PPP1R9A: variants seen among roughly 807,000 people sequenced by gnomAD.
PPP1R9A encodes neurabin-1.
PPP1R9A carries 59 observed loss-of-function variants against 141.9 expected under a neutral mutation model. The ratio of observed to expected loss-of-function variants is 0.42; its 90% CI spans 0.34 to 0.52. The LOEUF is 0.52. PPP1R9A is among the 20% of genes least tolerant of loss of function. The probability of loss-of-function intolerance (pLI) is 0.10; values close to 1 mark genes in which losing one functional copy is unlikely to be tolerated. For synonymous variants in PPP1R9A, 500 were observed against 569.7 expected, an observed-to-expected ratio of 0.88 and a Z score of 1.74; for missense variants, 1,444 against 1,611.9, an observed-to-expected ratio of 0.90 and a Z score of 1.78.
chr7:95,066,113 G>A (rs1213813261), intron 2 of PPP1R9A, among the ~76,000 whole-genome samples: 1 of 152,196 alleles, frequency 6.6e-6, no homozygotes, highest in Non-Finnish European at 1.5e-5. Flanking sequence ...AAGTTAAAAT[G>A]AGGCCTTTTG....
chr7:95,278,918 G>GAC (rs749781822), intron 16 of PPP1R9A, among the ~76,000 whole-genome samples: 34 of 151,258 alleles, frequency 2.2e-4, no homozygotes, highest in East Asian at 1.8e-3. Context: ...TGGAGACATA[G>GAC]ACACACACAC....
intron 4 of PPP1R9A, among the ~76,000 whole-genome samples, chr7:95,161,388 A>T (rs1454974475): frequency 6.6e-6 from 1 of 152,110 alleles, no homozygotes; most frequent in Admixed American, 6.6e-5. Context: ...TTAAAACATT[A>T]AGTGTTTGAC....
chr7:95,212,626 T>C (rs1215455294), intron 7 of PPP1R9A, among the ~76,000 whole-genome samples: 1 of 152,228 alleles, frequency 6.6e-6, no homozygotes, highest in African/African-American at 2.4e-5. Flanking sequence ...ACCTCAGTCC[T>C]GGAAGGCAGT....
chr7:95,211,338 A>G (rs2152913081), intron 7 of PPP1R9A, among the ~76,000 whole-genome samples: 1 of 152,278 alleles, frequency 6.6e-6, no homozygotes, highest in Middle Eastern at 3.4e-3. Flanking sequence ...CAACCTGGCT[A>G]CAAGTGGTAG....
intron 5 of PPP1R9A, among the ~76,000 whole-genome samples, chr7:95,179,788 A>AAG (rs1020554043): frequency 6.7e-6 from 1 of 148,886 alleles, no homozygotes; most frequent in African/African-American, 2.4e-5. Flanking sequence ...CAAAAAAAAA[A>AAG]AAAAAAAATA....
At chr7:95,212,625 CTG>C (rs1792370202) in intron 7 of PPP1R9A, among the ~76,000 whole-genome samples, 1 of 152,116 alleles carries the variant, frequency 6.6e-6, no homozygotes, top group South Asian at 2.1e-4. Context: ...CACCTCAGTC[CTG>C]GAAGGCAGTC....
At chr7:95,120,190 C>T (rs1446968292) in intron 3 of PPP1R9A, among the ~76,000 whole-genome samples, 1 of 152,026 alleles carries the variant, frequency 6.6e-6, no homozygotes, top group Non-Finnish European at 1.5e-5. Context: ...CTCCTGGCCT[C>T]AAGCCATCCA....
intron 2 of PPP1R9A, among the ~76,000 whole-genome samples, chr7:95,099,631 A>G (rs1818493135): frequency 6.6e-6 from 1 of 152,152 alleles, no homozygotes; most frequent in Non-Finnish European, 1.5e-5. Flanking sequence ...CTTTAATGGC[A>G]TAAACTATTT....
At chr7:95,178,606 TA>T (rs571635572) in intron 5 of PPP1R9A, among the ~76,000 whole-genome samples, 8 of 151,844 alleles carry the variant, frequency 5.3e-5, no homozygotes, top group Non-Finnish European at 1.0e-4. Flanking sequence ...TTTGAAAAGA[TA>T]AATAAAATTG....
chr7:95,051,795 A>C (rs73427045), intron 2 of PPP1R9A, among the ~76,000 whole-genome samples: 67 of 151,694 alleles, frequency 4.4e-4, no homozygotes, highest in African/African-American at 1.6e-3. Flanking sequence ...ATCACTATTT[A>C]TTGAACATCT....
chr7:95,155,045 G>A (rs1221011159), intron 4 of PPP1R9A: 2 of 151,906 alleles, frequency 1.3e-5, no homozygotes, highest in Non-Finnish European at 2.9e-5. Context: ...TCATCTTCTA[G>A]TGGAAACTAT....
At chr7:95,007,740 A>G (rs1438333651) in intron 2 of PPP1R9A, among the ~76,000 whole-genome samples, 1 of 152,176 alleles carries the variant, frequency 6.6e-6, no homozygotes, top group Non-Finnish European at 1.5e-5. Context: ...TTTAAATACT[A>G]TCCTTAGTAT....
chr7:95,228,315 A>G (rs1434525217), intron 8 of PPP1R9A, among the ~76,000 whole-genome samples: 1 of 152,158 alleles, frequency 6.6e-6, no homozygotes, highest in East Asian at 1.9e-4. Context: ...AATTCTTGGC[A>G]TATAGTTAGT....
At chr7:94,954,181 A>G (rs566195308) in intron 2 of PPP1R9A, among the ~76,000 whole-genome samples, 32 of 152,006 alleles carry the variant, frequency 2.1e-4, no homozygotes, top group African/African-American at 7.5e-4. Flanking sequence ...CTAACAGAAG[A>G]TTTTAAGACT....
intron 2 of PPP1R9A, among the ~76,000 whole-genome samples, chr7:94,980,237 G>A (rs1222395268): frequency 2.0e-5 from 3 of 151,012 alleles, no homozygotes; most frequent in East Asian, 1.9e-4. Context: ...GAAAGTTTAC[G>A]AATTTGTGTT....
At chr7:95,213,029 G>A (rs1025747435) in intron 7 of PPP1R9A, among the ~76,000 whole-genome samples, 3 of 152,144 alleles carry the variant, frequency 2.0e-5, no homozygotes, top group East Asian at 1.9e-4. Flanking sequence ...CCAAGGGAAT[G>A]CCATACTCGG....
chr7:95,166,254 A>G (rs1395622487), intron 5 of PPP1R9A, among the ~76,000 whole-genome samples: 1 of 152,114 alleles, frequency 6.6e-6, no homozygotes, highest in Non-Finnish European at 1.5e-5. Context: ...AAAGTAGAAT[A>G]TTGACTGGGA....
At chr7:94,975,233 C>T (rs1054796671) in intron 2 of PPP1R9A, among the ~76,000 whole-genome samples, 1 of 151,878 alleles carries the variant, frequency 6.6e-6, no homozygotes, top group Non-Finnish European at 1.5e-5. Context: ...GAAGTTTACT[C>T]TAGTTTATTC....
At chr7:95,247,112 G>C (rs963493984) in intron 8 of PPP1R9A, among the ~76,000 whole-genome samples, 5 of 152,104 alleles carry the variant, frequency 3.3e-5, no homozygotes, top group Non-Finnish European at 7.4e-5. Flanking sequence ...CACACTATCA[G>C]CTCACTTGCC....
Sources: allele counts gnomAD v4.1 joint callset (sites outside exome capture counted in the v4.1 genomes callset), GRCh38; gene constraint gnomAD v4.1.1; transcripts MANE v1.5; gene names NCBI Gene and HGNC (gene_info 2026-07-23, HGNC 2026-07-21).